The following MMP28 variants were observed in gnomAD, a reference collection of about 807,000 sequenced individuals.
MMP28 encodes the protein matrix metalloproteinase-28.
MMP28 carries 55 observed loss-of-function variants against 60.5 expected under a neutral mutation model. The ratio of observed to expected loss-of-function variants is 0.91; its 90% confidence interval spans 0.73 to 1.14. The LOEUF (loss-of-function observed/expected upper bound fraction) is 1.14, where lower values mean the gene tolerates loss of function less well. Ranked by LOEUF, MMP28 falls within the 50% of genes most tolerant of loss-of-function variation. The pLI is 0.00. For missense variants in MMP28, 686 were observed against 738.3 expected (o/e 0.93, Z 0.82); for synonymous variants, 318 against 312.5 (o/e 1.02, Z -0.18).
rs1042131855 is a variant in MMP28 at position 35,766,967 on chromosome 17, C to G, written c.1169-73G>C. 3.6e-6 allele frequency: 5 copies of G among 1,373,600 alleles called. No individual in the cohort carries two copies. Among genetic ancestry groups the G allele is most frequent in the African/African-American group, 2.9e-5 (2 of 69,804 alleles). The allele number at this position is 1,373,600 out of a possible 1,614,324, so 85.1% of individuals were successfully genotyped here. On this transcript the variant is annotated intron_variant, in intron 7 of 7. Coordinates refer to ENST00000605424, the MANE Select transcript of MMP28 (RefSeq NM_024302.5). This position sits in a 1 kb window ranked among gnomAD's most constrained non-coding sequence, Gnocchi z 4.3. ...TGGCCCTCTACCCCACTTCTGTCCC[C>G]CATACCTCTGCTCTCCTTTAAGCTG...
intron 1 of MMP28, among the ~76,000 whole-genome samples, chr17:35,790,001 ATCCACC>A (rs1343218953): frequency 6.8e-6 from 1 of 146,264 alleles, no homozygotes; most frequent in African/African-American, 2.5e-5. Context: ...ATCTCAGGTG[ATCCACC>A]TGCCTCAGCC....
chr17:35,768,955 G>C (rs2143208809), intron 5 of MMP28, among the ~76,000 whole-genome samples: 1 of 152,324 alleles, frequency 6.6e-6, no homozygotes, highest in African/African-American at 2.4e-5. Context: ...AACTAAGCGG[G>C]TCAGGGAGTC....
intron 1 of MMP28, among the ~76,000 whole-genome samples, chr17:35,793,292 G>A (rs144622171): frequency 6.6e-6 from 1 of 152,164 alleles, no homozygotes; most frequent in Non-Finnish European, 1.5e-5. Context: ...GCCACCACAG[G>A]CATGGGCAGC....
intron 1 of MMP28, among the ~76,000 whole-genome samples, chr17:35,792,646 G>A (rs927064598): frequency 6.6e-6 from 1 of 152,210 alleles, no homozygotes; most frequent in African/African-American, 2.4e-5. Context: ...GCAGCTCTGT[G>A]CTGTCTGTTG....
intron 6 of MMP28, 102 bp from the exon 7 acceptor site, chr17:35,768,021 T>C: frequency 7.2e-6 from 10 of 1,393,334 alleles, no homozygotes; most frequent in South Asian, 1.4e-5. Context: ...TGGACAAGCA[T>C]AGGGTATGGT....
intron 3 of MMP28, among the ~76,000 whole-genome samples, chr17:35,776,617 TG>T (rs1555607704): frequency 6.6e-6 from 1 of 152,114 alleles, no homozygotes; most frequent in African/African-American, 2.4e-5. Flanking sequence ...CTGGGCACGG[TG>T]GCTTGCGCCT....
At chr17:35,757,412 G>A (rs1598400258) in intron 2 of MMP28, 2 of 152,192 alleles carry the variant, frequency 1.3e-5, no homozygotes, top group East Asian at 3.9e-4. Flanking sequence ...TTTTCTTCCT[G>A]CTTTGGTCAT....
chr17:35,769,802 C>G (rs1568142126), intron 5 of MMP28, among the ~76,000 whole-genome samples: 1 of 147,650 alleles, frequency 6.8e-6, no homozygotes, highest in Non-Finnish European at 1.5e-5. Flanking sequence ...AAGTGGAACG[C>G]AAGGGGCGGG....
chr17:35,760,279 A>T (rs186850674), intron 2 of MMP28, among the ~76,000 whole-genome samples: 118 of 152,276 alleles, frequency 7.7e-4, no homozygotes, highest in Admixed American at 7.4e-3. Flanking sequence ...CAGGAAAGGA[A>T]AGGATTTTCC....
In MMP28 at chr17:35,770,239, C is replaced by T. The variant is rs1040357239; in HGVS notation, c.678G>A (p.Leu226=). 6.3e-7 allele frequency: 1 copy of T among 1,590,190 alleles called. No individual in the cohort carries two copies. Among genetic ancestry groups the T allele is most frequent in the East Asian group, 2.3e-5 (1 of 44,198 alleles). Residue 226 remains leucine, a synonymous_variant, in exon 5 of 8, where the codon CTG becomes CTA. Transcript: ENST00000605424. The part of the protein sequence containing the change: ...AHFDQDERWS[L]SRRRGRNLFV... ...ACAGGTTGCGCCCGCGGCGGCGGCT[C>T]AGGGACCAGCGCTCATCTTGGTCGA... is the stretch of plus-strand genomic sequence containing the variant.
downstream of MMP28, among the ~76,000 whole-genome samples, chr17:35,762,082 C>CT (rs1263147063): frequency 6.6e-6 from 1 of 152,108 alleles, no homozygotes; most frequent in Non-Finnish European, 1.5e-5. Context: ...CCTCCGACCC[C>CT]TGGGTTCAAG....
chr17:35,793,470 G>C (rs1568211465), intron 1 of MMP28, among the ~76,000 whole-genome samples: 1 of 152,186 alleles, frequency 6.6e-6, no homozygotes, highest in Non-Finnish European at 1.5e-5. Context: ...GAAACAAAGT[G>C]CTTCTCTGAA....
intron 2 of MMP28, chr17:35,758,402 A>AGT (rs1432173766): frequency 6.6e-6 from 1 of 152,166 alleles, no homozygotes; most frequent in Non-Finnish European, 1.5e-5. Context: ...ATCAATTTCT[A>AGT]GTGTGCTGGG....
chr17:35,774,306 A>G (rs997856469), intron 3 of MMP28, among the ~76,000 whole-genome samples: 7 of 152,090 alleles, frequency 4.6e-5, no homozygotes, highest in Admixed American at 2.6e-4. Flanking sequence ...CTGCAAACTC[A>G]GGGGCTGGGA....
chr17:35,767,804 G>A lies in MMP28; in HGVS notation c.1116C>T (p.Asn372=), dbSNP rs2085991387. ...LQERWVGLPP[N]IEAAAVSLND... Reference sequence around the variant, plus strand: ...TCAATGACACTGCCGCAGCCTCAATGTTGGGGGGCAGCCCGACCCATCTTT... The same window carrying A: ...TCAATGACACTGCCGCAGCCTCAATATTGGGGGGCAGCCCGACCCATCTTT... Residue 372 remains asparagine, a synonymous_variant, in exon 7 of 8, where the codon AAC becomes AAT. Coordinates refer to ENST00000605424, the MANE Select transcript of MMP28 (RefSeq NM_024302.5). 6.2e-7 allele frequency: 1 copy of A among 1,603,144 alleles called. No individual in the cohort carries two copies. The highest frequency in any genetic ancestry group is 1.1e-5 in the South Asian group (1 of 89,220).
chr17:35,783,216 CG>C (rs2086557115), intron 1 of MMP28, among the ~76,000 whole-genome samples: 1 of 152,182 alleles, frequency 6.6e-6, no homozygotes, highest in Admixed American at 6.5e-5. Context: ...TCTTATTCAG[CG>C]TTCTCAGAAG....
chr17:35,756,950 C>A (rs1598399798), intron 2 of MMP28, among the ~76,000 whole-genome samples: 2 of 151,908 alleles, frequency 1.3e-5, no homozygotes, highest in East Asian at 3.9e-4. Flanking sequence ...GTCATCCCAG[C>A]ACTTTAGGAA....
chr17:35,778,606 T>C (rs1189272650), intron 3 of MMP28: 4 of 566,630 alleles, frequency 7.1e-6, no homozygotes, highest in Non-Finnish European at 1.2e-5. Flanking sequence ...ACAGTTTATC[T>C]GCCCTGCATT....
rs1598403873 is a variant in MMP28 at position 35,760,785 on chromosome 17, T to C, written c.266-4366A>G. 3.6e-6 allele frequency: 3 copies of C among 825,482 alleles called. No individual in the cohort carries two copies. The East Asian group carries it at 8.1e-5, about 22-fold the overall frequency. 51.1% of individuals were successfully genotyped at this position (825,482 alleles called of 1,614,324 possible). On this transcript the variant is annotated intron_variant, in intron 2 of 2. Transcript: ENST00000615317. ...CTTTGGGAGGCTCTGGAAAAGGAAA[T>C]TATTCCTGGGCAGAGCCTTATGGGC...
Sources: gnomAD v4.1 joint callset for allele counts (sites outside exome capture counted in the v4.1 genomes callset) on GRCh38, gnomAD v4.1.1 for gene constraint, Gnocchi (gnomAD v3.1) non-coding constraint, MANE v1.5 for transcripts, NCBI Gene and HGNC (gene_info 2026-07-23, HGNC 2026-07-21) for gene names.